BCAS3: variants seen among roughly 807,000 people sequenced by gnomAD.
BCAS3 encodes the protein BCAS3 microtubule associated cell migration factor, also known as BCAS4/BCAS3 fusion.
BCAS3 carries 53 observed loss-of-function variants against 116.1 expected under a neutral mutation model. The observed-to-expected ratio is 0.46, with a 90% CI of 0.37 to 0.57. The LOEUF (loss-of-function observed/expected upper bound fraction) is 0.57. Ranked by LOEUF, BCAS3 falls within the 20% of genes least tolerant of loss-of-function variation. The pLI, the probability that BCAS3 is intolerant of heterozygous loss-of-function variation, is 0.00. For missense variants in BCAS3, 917 were observed against 1,165.4 expected (o/e 0.79, Z 3.10); for synonymous variants, 391 against 408.2 (o/e 0.96, Z 0.51).
In BCAS3 at chr17:61,224,316, C is replaced by T. The variant is rs1032493841; in HGVS notation, c.2425+139752C>T. 6.6e-6 allele frequency among the ~76,000 whole-genome samples: 1 copy of T among 152,110 alleles called. No individual in the cohort carries two copies. The highest frequency in any genetic ancestry group is 1.5e-5 in the Non-Finnish European group (1 of 68,022). ...ATCAAAAGTACAGGTGAAGTTGTGG[C>T]AACATTCAAAGGAAAGGGAAATCAG... On this transcript the variant is annotated intron_variant, in intron 22 of 23. Coordinates refer to ENST00000407086, the MANE Select transcript of BCAS3 (RefSeq NM_017679.5). This position sits in a 1 kb window ranked among gnomAD's most constrained non-coding sequence, Gnocchi z 5.7.
intron 5 of BCAS3, among the ~76,000 whole-genome samples, chr17:60,724,291 T>C (rs2039581357): frequency 6.6e-6 from 1 of 150,970 alleles, no homozygotes; most frequent in Non-Finnish European, 1.5e-5. Context: ...GGCATGATGG[T>C]GTGTGCCTGT....
At chr17:61,027,014 G>A (rs954601540) in intron 16 of BCAS3, 2 of 939,048 alleles carry the variant, frequency 2.1e-6, no homozygotes, top group Non-Finnish European at 3.3e-6. Context: ...ATCACAGATA[G>A]ATGCACCAAG....
Position 61,200,590 on chromosome 17 carries a change from C to T in BCAS3, c.2425+116026C>T, listed in dbSNP as rs193135681. 2.4e-3 allele frequency among the ~76,000 whole-genome samples: 362 copies of T among 152,338 alleles called. 1 individual carries two copies. The highest frequency in any genetic ancestry group is 3.8e-3 in the Non-Finnish European group (258 of 68,026). On this transcript the variant is annotated intron_variant, in intron 22 of 23. Coordinates refer to ENST00000407086, the MANE Select transcript of BCAS3 (RefSeq NM_017679.5). The surrounding 1 kb of genome is among the most constrained non-coding windows in gnomAD (Gnocchi z 5.1). Reference sequence around the variant, plus strand: ...CTCCGAAACATTCCTACTGAAGAGGCATTAGGACTAGAGCGTATTTCTTTT... The same window carrying T: ...CTCCGAAACATTCCTACTGAAGAGGTATTAGGACTAGAGCGTATTTCTTTT...
At chr17:61,046,491 A>T (rs1439192917) in intron 19 of BCAS3, among the ~76,000 whole-genome samples, 1 of 151,824 alleles carries the variant, frequency 6.6e-6, no homozygotes, top group Non-Finnish European at 1.5e-5. Flanking sequence ...CTATATTTGC[A>T]TATGACCCAC....
rs1226383608 is a variant in BCAS3 at position 61,226,460 on chromosome 17, C to T, written c.2426-141867C>T. ...CTTTGTTAAGTGGATTTTATGCTTG[C>T]TTCTTAAAATATATTGAATACACTT... On this transcript the variant is annotated intron_variant, in intron 22 of 23. Coordinates refer to ENST00000407086, the MANE Select transcript of BCAS3 (RefSeq NM_017679.5). This position sits in a 1 kb window ranked among gnomAD's most constrained non-coding sequence, Gnocchi z 6.0. Among the ~76,000 whole-genome samples the T allele has an allele frequency of 6.6e-6, 1 of 152,124 alleles. No homozygotes were observed. Among genetic ancestry groups the T allele is most frequent in the Non-Finnish European group, 1.5e-5 (1 of 68,032 alleles).
At chr17:61,176,138 CAAAAAAAAA>C (rs534042215) in intron 22 of BCAS3, among the ~76,000 whole-genome samples, 2 of 50,046 alleles carry the variant, frequency 4.0e-5, no homozygotes, top group African/African-American at 6.6e-5. Context: ...GACCCTATCT[CAAAAAAAAA>C]AAAAAAAAAA....
At chr17:61,042,911 A>AAAAAG (rs2067655175) in intron 19 of BCAS3, among the ~76,000 whole-genome samples, 1 of 150,466 alleles carries the variant, frequency 6.6e-6, no homozygotes, top group African/African-American at 2.4e-5. Context: ...AAAAAAAAAA[A>AAAAAG]AAAAGAAAGA....
In BCAS3 at chr17:61,251,734, A is replaced by G. The variant is rs1016862536; in HGVS notation, c.2426-116593A>G. Among the ~76,000 whole-genome samples, 1 of 152,220 alleles carries G rather than the reference A, an allele frequency of 6.6e-6. No homozygotes were observed. Among genetic ancestry groups the G allele is most frequent in the Non-Finnish European group, 1.5e-5 (1 of 68,036 alleles). The stretch of plus-strand genomic sequence containing the variant: ...CTCTGCAGATAATCTGGCCCCCATA[A>G]AAAAGCAATAGCAACTGGGAAAAGG... On this transcript the variant is annotated intron_variant, in intron 22 of 23. Coordinates refer to ENST00000407086, the MANE Select transcript of BCAS3 (RefSeq NM_017679.5). This position sits in a 1 kb window ranked among gnomAD's most constrained non-coding sequence, Gnocchi z 4.7.
intron 5 of BCAS3, among the ~76,000 whole-genome samples, chr17:60,737,553 C>T (rs2041104338): frequency 6.6e-6 from 1 of 152,008 alleles, no homozygotes; most frequent in Non-Finnish European, 1.5e-5. Context: ...TCCCTCTATG[C>T]ACTGCTTTCA....
intron 12 of BCAS3, among the ~76,000 whole-genome samples, chr17:60,912,133 C>T (rs1339584877): frequency 6.6e-6 from 1 of 151,908 alleles, no homozygotes; most frequent in Non-Finnish European, 1.5e-5. Flanking sequence ...ATATACGTTT[C>T]TTAAAGGAAG....
intron 22 of BCAS3, among the ~76,000 whole-genome samples, chr17:61,237,430 G>C (rs749223665): frequency 1.2e-3 from 183 of 152,300 alleles, no homozygotes; most frequent in Non-Finnish European, 1.8e-3. Flanking sequence ...ACAAATAAAG[G>C]AATAAAAGCT....
At chr17:60,795,567 T>G (rs952556435) in intron 6 of BCAS3, among the ~76,000 whole-genome samples, 4 of 152,192 alleles carry the variant, frequency 2.6e-5, no homozygotes, top group African/African-American at 9.7e-5. Flanking sequence ...TATGGTTGGC[T>G]TTTATTACAT....
In BCAS3 at chr17:61,032,933, G is replaced by A. The variant is rs1190015561; in HGVS notation, c.1638-1733G>A. ...CATTACCATGGATTTTGTTCAAAGTGGGGAGACCAAAGGGACCAATCATAG... is the reference window on the plus strand; with the variant it reads ...CATTACCATGGATTTTGTTCAAAGTAGGGAGACCAAAGGGACCAATCATAG... On this transcript the variant is annotated intron_variant, in intron 16 of 23. Coordinates refer to ENST00000407086, the MANE Select transcript of BCAS3 (RefSeq NM_017679.5). The surrounding 1 kb of genome is among the most constrained non-coding windows in gnomAD (Gnocchi z 4.6). Among the ~76,000 whole-genome samples the A allele has an allele frequency of 3.3e-5, 5 of 152,108 alleles. No individual in the cohort carries two copies. The highest frequency in any genetic ancestry group is 7.4e-5 in the Non-Finnish European group (5 of 67,998).
At chr17:61,005,122 C>T (rs2064568556) in intron 15 of BCAS3, among the ~76,000 whole-genome samples, 1 of 151,982 alleles carries the variant, frequency 6.6e-6, no homozygotes, top group African/African-American at 2.4e-5. Flanking sequence ...TGGGGATGGT[C>T]GTGGTATCAC....
chr17:61,016,014 C>G, intron 16 of BCAS3, 113 bp downstream of exon 16: 1 of 1,144,248 alleles, frequency 8.7e-7, no homozygotes, highest in Non-Finnish European at 1.3e-6. Context: ...ATTTCCAGCT[C>G]AAATAAGACT....
At chr17:60,806,350 C>CT (rs2048287177) in intron 6 of BCAS3, among the ~76,000 whole-genome samples, 1 of 152,168 alleles carries the variant, frequency 6.6e-6, no homozygotes, top group Non-Finnish European at 1.5e-5. Flanking sequence ...TCATCTTTCA[C>CT]TTGGGGGCTT....
chr17:61,386,577 C>A lies in BCAS3; in HGVS notation c.2594-5400C>A, dbSNP rs374965234. 3.9e-5 allele frequency among the ~76,000 whole-genome samples: 6 copies of A among 152,162 alleles called. No individual in the cohort carries two copies. In the East Asian group the frequency reaches 1.2e-3, roughly 29 times the overall value. On this transcript the variant is annotated intron_variant, in intron 23 of 23. Transcript: ENST00000407086. ...GTGCCAGAGCTGCCCAAAGGGTGAA[C>A]CAGGGGCCCCAGGCAGCCTCTTCCT...
intron 19 of BCAS3, among the ~76,000 whole-genome samples, chr17:61,071,950 A>G (rs2071470211): frequency 6.6e-6 from 1 of 152,192 alleles, no homozygotes; most frequent in Non-Finnish European, 1.5e-5. Flanking sequence ...TCAAACATGG[A>G]AAAAATGGTG....
At chr17:60,752,554 G>T (rs1258844282) in intron 6 of BCAS3, among the ~76,000 whole-genome samples, 1 of 151,882 alleles carries the variant, frequency 6.6e-6, no homozygotes, top group African/African-American at 2.4e-5. Flanking sequence ...CTCCCGAGTA[G>T]CTGAGACTAC....
Sources: gnomAD v4.1 joint callset for allele counts (sites outside exome capture counted in the v4.1 genomes callset) on GRCh38, gnomAD v4.1.1 for gene constraint, Gnocchi (gnomAD v3.1) non-coding constraint, MANE v1.5 for transcripts, NCBI Gene and HGNC (gene_info 2026-07-23, HGNC 2026-07-21) for gene names.